The following KCNIP4 variants were observed in gnomAD, a reference collection of about 807,000 sequenced individuals.
KCNIP4 encodes potassium voltage-gated channel interacting protein 4, also known as Kv channel-interacting protein 4.
In KCNIP4, 12 loss-of-function variants were observed where a neutral mutation model predicts 34.0. The ratio of observed to expected loss-of-function variants is 0.35; its 90% confidence interval spans 0.23 to 0.57. The LOEUF (loss-of-function observed/expected upper bound fraction) is 0.57, where lower values mean the gene tolerates loss of function less well. Ranked by LOEUF, KCNIP4 falls within the 20% of genes least tolerant of loss-of-function variation. The pLI is 0.83. For synonymous variants in KCNIP4, 124 were observed against 102.2 expected, an observed-to-expected ratio of 1.21 and a Z score of -1.29; for missense variants, 238 against 311.7, an observed-to-expected ratio of 0.76 and a Z score of 1.78.
chr4:21,053,104 C>T (rs1743075183), intron 1 of KCNIP4, among the ~76,000 whole-genome samples: 1 of 151,982 alleles, frequency 6.6e-6, no homozygotes, highest in Admixed American at 6.6e-5. Context: ...GTATCCACTT[C>T]AGACCAAAGG....
At position 21,172,001 on chromosome 4, in the gene KCNIP4, A is replaced by T. The variant is rs185758244; in HGVS notation, c.62-289292T>A. On this transcript the variant is annotated intron_variant, in intron 1 of 8. Transcript: ENST00000382152. Reference sequence around the variant, plus strand: ...AGCCAACATCTACTGAGCACTTACCATGTAACAGGCTCTATTCTGATGTTG... The same window carrying T: ...AGCCAACATCTACTGAGCACTTACCTTGTAACAGGCTCTATTCTGATGTTG... 4.1e-4 allele frequency among the ~76,000 whole-genome samples: 63 copies of T among 152,228 alleles called. 1 individual carries two copies. In the East Asian group the frequency reaches 0.011, roughly 27 times the overall value.
intron 1 of KCNIP4, among the ~76,000 whole-genome samples, chr4:21,324,194 A>AG (rs34866577): frequency 0.47 from 71,115 of 151,610 alleles, 17,124 homozygotes; most frequent in African/African-American, 0.58. Flanking sequence ...CCCATTCTGT[A>AG]GAAGTTTCTT....
chr4:20,815,910 T>A (rs1716313885), intron 3 of KCNIP4, among the ~76,000 whole-genome samples: 1 of 152,164 alleles, frequency 6.6e-6, no homozygotes, highest in Admixed American at 6.5e-5. Context: ...CAAATTACAC[T>A]TCTCTGACAC....
rs79644315 is a variant in KCNIP4, at chr4:21,420,719, C to T, written c.61+527852G>A. On this transcript the variant is annotated intron_variant, in intron 1 of 8. Transcript: ENST00000382152. ...GAAGAAAACATAGGTAAAAGCTTCTCGACATTGATCTGAGCAAACTTTTTG... is the reference window on the plus strand; with the variant it reads ...GAAGAAAACATAGGTAAAAGCTTCTTGACATTGATCTGAGCAAACTTTTTG... 0.016 allele frequency among the ~76,000 whole-genome samples: 2,420 copies of T among 152,216 alleles called. 125 individuals are homozygous for T. The East Asian group carries it at 0.17, about 10-fold the overall frequency.
intron 1 of KCNIP4, among the ~76,000 whole-genome samples, chr4:21,773,745 G>GTTTTGTTTTT: frequency 8.7e-6 from 1 of 115,448 alleles, no homozygotes; most frequent in African/African-American, 5.4e-5. Context: ...TTTTTTTGTT[G>GTTTTGTTTTT]TTTTTTTTTT....
intron 1 of KCNIP4, among the ~76,000 whole-genome samples, chr4:21,207,736 C>G (rs2108969179): frequency 6.6e-6 from 1 of 152,130 alleles, no homozygotes; most frequent in Non-Finnish European, 1.5e-5. Context: ...GATTACATGA[C>G]AGGAAGTCTT....
intron 1 of KCNIP4, among the ~76,000 whole-genome samples, chr4:21,228,778 T>G (rs1445390479): frequency 6.6e-6 from 1 of 152,212 alleles, no homozygotes; most frequent in Admixed American, 6.5e-5. Context: ...TTTGTTCTTT[T>G]GTTAATATCA....
chr4:20,980,558 A>G (rs1383990207), intron 1 of KCNIP4, among the ~76,000 whole-genome samples: 1 of 152,208 alleles, frequency 6.6e-6, no homozygotes, highest in Non-Finnish European at 1.5e-5. Context: ...TCTGTGTCTA[A>G]TTCTAGTCAA....
intron 2 of KCNIP4, among the ~76,000 whole-genome samples, chr4:20,865,721 T>G (rs1722813450): frequency 6.6e-6 from 1 of 151,980 alleles, no homozygotes; most frequent in African/African-American, 2.4e-5. Flanking sequence ...TAGGGAGATG[T>G]AGGTCAAGGT....
intron 1 of KCNIP4, among the ~76,000 whole-genome samples, chr4:21,539,865 G>T (rs1326730624): frequency 6.6e-6 from 1 of 152,016 alleles, no homozygotes; most frequent in Non-Finnish European, 1.5e-5. Context: ...TGTAATCCCA[G>T]CTACTCGGAA....
chr4:21,270,758 G>C (rs1374000808), intron 1 of KCNIP4, among the ~76,000 whole-genome samples: 1 of 152,032 alleles, frequency 6.6e-6, no homozygotes, highest in African/African-American at 2.4e-5. Context: ...AGGCCAAGGA[G>C]GGCAGATCAC....
At chr4:21,836,308 C>T (rs1390490861) in intron 1 of KCNIP4, among the ~76,000 whole-genome samples, 1 of 152,038 alleles carries the variant, frequency 6.6e-6, no homozygotes, top group Admixed American at 6.6e-5. Context: ...TGGGAAAACT[C>T]AATTATTGTA....
At chr4:21,063,627 A>T (rs892673766) in intron 1 of KCNIP4, among the ~76,000 whole-genome samples, 1 of 152,154 alleles carries the variant, frequency 6.6e-6, no homozygotes, top group South Asian at 2.1e-4. Context: ...ATCTTTATGA[A>T]TTCAAGTTGC....
intron 1 of KCNIP4, among the ~76,000 whole-genome samples, chr4:20,911,187 T>C (rs1280337866): frequency 6.6e-6 from 1 of 152,220 alleles, no homozygotes; most frequent in Non-Finnish European, 1.5e-5. Context: ...TGCCTGACTC[T>C]GACAATTACA....
intron 1 of KCNIP4, among the ~76,000 whole-genome samples, chr4:20,999,962 T>C (rs1737958452): frequency 6.6e-6 from 1 of 152,140 alleles, no homozygotes; most frequent in Non-Finnish European, 1.5e-5. Flanking sequence ...ATCTCCACGT[T>C]TGGGGCATCC....
At chr4:20,749,558 T>C in intron 5 of KCNIP4, 104 bp downstream of exon 5, 1 of 734,556 alleles carries the variant, frequency 1.4e-6, no homozygotes. Flanking sequence ...GTCCTTGGGC[T>C]TTCTTTCCCC....
chr4:21,366,877 T>C (rs994823936), intron 1 of KCNIP4, among the ~76,000 whole-genome samples: 15 of 152,112 alleles, frequency 9.9e-5, no homozygotes, highest in African/African-American at 3.4e-4. Context: ...GTTGTCATGG[T>C]CTAAATGTAT....
intron 1 of KCNIP4, among the ~76,000 whole-genome samples, chr4:21,252,422 G>T (rs1843353): frequency 1.3e-5 from 2 of 151,912 alleles, no homozygotes; most frequent in Non-Finnish European, 2.9e-5. Context: ...CCCTTCCCTC[G>T]CCCGGCCAAG....
intron 1 of KCNIP4, among the ~76,000 whole-genome samples, chr4:21,884,954 C>T (rs1321673356): frequency 4.0e-5 from 6 of 151,766 alleles, no homozygotes; most frequent in Non-Finnish European, 7.4e-5. Context: ...AGTAGCCTCC[C>T]CCCCACTACT....
Sources: gnomAD v4.1 joint callset for allele counts (sites outside exome capture counted in the v4.1 genomes callset) on GRCh38, gnomAD v4.1.1 for gene constraint, MANE v1.5 for transcripts, NCBI Gene and HGNC (gene_info 2026-07-23, HGNC 2026-07-21) for gene names.